The following PDE1C variants were observed in gnomAD, a reference collection of about 807,000 sequenced individuals.
PDE1C encodes phosphodiesterase 1C.
PDE1C carries 62 observed loss-of-function variants against 93.1 expected under a neutral mutation model. The observed-to-expected ratio is 0.67, with a 90% CI of 0.54 to 0.82. The LOEUF (loss-of-function observed/expected upper bound fraction) is 0.82. Ranked by LOEUF, PDE1C falls within the 40% of genes least tolerant of loss-of-function variation. The probability of loss-of-function intolerance (pLI) is 0.00; values close to 1 mark genes in which losing one functional copy is unlikely to be tolerated. For missense variants in PDE1C, 742 were observed against 884.6 expected, an observed-to-expected ratio of 0.84 and a Z score of 2.04; for synonymous variants, 325 against 310.1, an observed-to-expected ratio of 1.05 and a Z score of -0.50.
intron 3 of PDE1C, among the ~76,000 whole-genome samples, chr7:32,154,025 A>G (rs564868290): frequency 2.6e-5 from 4 of 152,346 alleles, no homozygotes; most frequent in African/African-American, 4.8e-5. Flanking sequence ...AGTCCAGTGC[A>G]GGTGGATTGC....
chr7:32,337,659 A>G (rs1397704796), intron 1 of PDE1C, among the ~76,000 whole-genome samples: 1 of 152,030 alleles, frequency 6.6e-6, no homozygotes, highest in Admixed American at 6.6e-5. Context: ...ATAATTGGGG[A>G]TTGTCCATAT....
chr7:31,669,494 G>A, the PDE1C span, among the ~76,000 whole-genome samples: 1 of 152,100 alleles, frequency 6.6e-6, no homozygotes, highest in Non-Finnish European at 1.5e-5. Context: ...CCTTCAAAAA[G>A]CACTGTCAAG....
intron 2 of PDE1C, among the ~76,000 whole-genome samples, chr7:31,979,896 C>G (rs1046287214): frequency 2.6e-5 from 4 of 152,162 alleles, no homozygotes; most frequent in African/African-American, 9.7e-5. Context: ...CAGGTAGTAC[C>G]AACACTCTTC....
intron 1 of PDE1C, among the ~76,000 whole-genome samples, chr7:32,237,929 C>T (rs995809814): frequency 1.3e-5 from 2 of 151,546 alleles, no homozygotes; most frequent in Admixed American, 6.6e-5. Context: ...TGCCACCATG[C>T]CCGGCTAATT....
At chr7:32,155,929 G>A (rs1398680908) in intron 3 of PDE1C, among the ~76,000 whole-genome samples, 1 of 152,136 alleles carries the variant, frequency 6.6e-6, no homozygotes, top group African/African-American at 2.4e-5. Flanking sequence ...TCATGGGTCA[G>A]CAGGAGCAGG....
intron 17 of PDE1C, among the ~76,000 whole-genome samples, chr7:31,770,493 T>C (rs1331458509): frequency 1.3e-5 from 2 of 152,148 alleles, no homozygotes; most frequent in African/African-American, 2.4e-5. Flanking sequence ...TTTACCTCTA[T>C]GTTTTCTTCT....
intron 3 of PDE1C, among the ~76,000 whole-genome samples, chr7:32,126,084 G>A (rs1247742416): frequency 6.6e-6 from 1 of 151,976 alleles, no homozygotes; most frequent in East Asian, 1.9e-4. Context: ...CAGGAATCAT[G>A]GTTAATCATT....
chr7:31,966,239 G>T (rs1347616961), intron 2 of PDE1C, among the ~76,000 whole-genome samples: 1 of 152,062 alleles, frequency 6.6e-6, no homozygotes, highest in African/African-American at 2.4e-5. Flanking sequence ...ACACACATAG[G>T]CTCAAAATAA....
chr7:31,887,083 G>C (rs1235558231), intron 2 of PDE1C, among the ~76,000 whole-genome samples: 1 of 152,142 alleles, frequency 6.6e-6, no homozygotes, highest in African/African-American at 2.4e-5. Context: ...TAGTGAGTGA[G>C]ATGGAAAATT....
intron 3 of PDE1C, among the ~76,000 whole-genome samples, chr7:32,145,876 T>C (rs1027251726): frequency 4.6e-5 from 7 of 152,032 alleles, no homozygotes; most frequent in African/African-American, 1.7e-4. Flanking sequence ...CCGAGAACAG[T>C]GATTTTTCCA....
At chr7:31,956,546 G>A (rs1808174858) in intron 2 of PDE1C, among the ~76,000 whole-genome samples, 1 of 150,678 alleles carries the variant, frequency 6.6e-6, no homozygotes, top group African/African-American at 2.4e-5. Context: ...AAGCAAACAG[G>A]CAGACGAGCC....
intron 6 of PDE1C, among the ~76,000 whole-genome samples, chr7:31,872,045 T>TA (rs572400278): frequency 0.17 from 292 of 1,766 alleles, no homozygotes; most frequent in African/African-American, 0.19. Context: ...TATTCGGCCA[T>TA]AAAAAAGATG....
At chr7:31,815,056 A>G (rs1562850915) in intron 15 of PDE1C, among the ~76,000 whole-genome samples, 1 of 151,994 alleles carries the variant, frequency 6.6e-6, no homozygotes, top group Non-Finnish European at 1.5e-5. Context: ...TCTTTAGCCC[A>G]TCTGACCAGC....
At chr7:32,112,854 A>G (rs1246340498) in intron 3 of PDE1C, among the ~76,000 whole-genome samples, 2,594 of 109,674 alleles carry the variant, frequency 0.024, 51 homozygotes, top group African/African-American at 0.11. Flanking sequence ...GTGTATATAT[A>G]TATATATATA....
At chr7:32,309,569 G>A (rs1813114627) in intron 1 of PDE1C, among the ~76,000 whole-genome samples, 1 of 152,240 alleles carries the variant, frequency 6.6e-6, no homozygotes, top group Non-Finnish European at 1.5e-5. Flanking sequence ...AACTCTACAA[G>A]CCAGAAGGGA....
At chr7:32,080,247 G>A (rs73098686) in intron 3 of PDE1C, among the ~76,000 whole-genome samples, 7,198 of 152,094 alleles carry the variant, frequency 0.047, 226 homozygotes, top group East Asian at 0.11. Flanking sequence ...GTCTTCTAGA[G>A]GGCAGAGATC....
At chr7:31,882,408 G>T (rs1245930357) in intron 2 of PDE1C, among the ~76,000 whole-genome samples, 2 of 152,078 alleles carry the variant, frequency 1.3e-5, no homozygotes. Context: ...CCAAAGAATG[G>T]GGAGACAGCA....
downstream of PDE1C, among the ~76,000 whole-genome samples, chr7:31,750,337 T>G (rs1311327585): frequency 2.0e-5 from 3 of 151,808 alleles, no homozygotes; most frequent in Admixed American, 2.0e-4. Flanking sequence ...TTGTTGGAGG[T>G]GGGGATGTCA....
At chr7:31,860,433 T>A (rs900335578) in intron 7 of PDE1C, among the ~76,000 whole-genome samples, 2 of 152,200 alleles carry the variant, frequency 1.3e-5, no homozygotes, top group African/African-American at 4.8e-5. Flanking sequence ...TTTCAACATT[T>A]TTACCCATAT....
Sources: gnomAD v4.1 joint callset for allele counts (sites outside exome capture counted in the v4.1 genomes callset) on GRCh38, gnomAD v4.1.1 for gene constraint, MANE v1.5 for transcripts, NCBI Gene and HGNC (gene_info 2026-07-23, HGNC 2026-07-21) for gene names.